The following UBE2E2 variants were observed in gnomAD, a reference collection of about 807,000 sequenced individuals.
UBE2E2 encodes ubiquitin-conjugating enzyme E2 E2.
In UBE2E2, 6 loss-of-function variants were observed where a neutral mutation model predicts 24.7. The ratio of observed to expected loss-of-function variants is 0.24; its 90% CI spans 0.13 to 0.48. The LOEUF (loss-of-function observed/expected upper bound fraction) is 0.48. UBE2E2 is among the 20% of genes least tolerant of loss of function. The pLI, the probability that UBE2E2 is intolerant of heterozygous loss-of-function variation, is 0.99. For missense variants in UBE2E2, 169 were observed against 245.0 expected, an observed-to-expected ratio of 0.69 and a Z score of 2.07; for synonymous variants, 104 against 83.6, an observed-to-expected ratio of 1.24 and a Z score of -1.33.
rs573574174 is a variant in UBE2E2 at position 23,567,819 on chromosome 3, A to G, written c.509-21915A>G. 1.7e-4 allele frequency among the ~76,000 whole-genome samples: 26 copies of G among 152,348 alleles called. No homozygotes were observed. In the South Asian group the frequency reaches 3.3e-3, roughly 19 times the overall value. On this transcript the variant is annotated intron_variant, in intron 5 of 5. Transcript: ENST00000396703. Reference sequence around the variant, plus strand: ...ACTGCATGGTCATCTGTGGTATCCTATATCCTAGACACTTTGTTGGTTTTG... The same window carrying G: ...ACTGCATGGTCATCTGTGGTATCCTGTATCCTAGACACTTTGTTGGTTTTG...
At chr3:23,399,465 G>A (rs114339949) in intron 3 of UBE2E2, among the ~76,000 whole-genome samples, 2,157 of 152,252 alleles carry the variant, frequency 0.014, 52 homozygotes, top group African/African-American at 0.05. Context: ...TAGGGTGGTA[G>A]GAGGTTTCAT....
chr3:23,373,030 ACCT>A (rs1251133545), intron 3 of UBE2E2, among the ~76,000 whole-genome samples: 2 of 152,128 alleles, frequency 1.3e-5, no homozygotes, highest in African/African-American at 4.8e-5. Context: ...AAATGCTGGG[ACCT>A]TCCTATTCAA....
At chr3:23,226,811 G>T (rs987684010) in intron 3 of UBE2E2, among the ~76,000 whole-genome samples, 3 of 152,100 alleles carry the variant, frequency 2.0e-5, no homozygotes, top group Non-Finnish European at 4.4e-5. Context: ...GAGTAAAAGA[G>T]AGTGAAATTG....
chr3:23,481,995 C>A (rs924389170), intron 3 of UBE2E2, among the ~76,000 whole-genome samples: 17 of 152,194 alleles, frequency 1.1e-4, no homozygotes, highest in Non-Finnish European at 1.6e-4. Context: ...AGTATTAAAT[C>A]ACCAACTCGA....
At chr3:23,574,125 A>G (rs1049412158) in intron 5 of UBE2E2, among the ~76,000 whole-genome samples, 1 of 152,216 alleles carries the variant, frequency 6.6e-6, no homozygotes, top group African/African-American at 2.4e-5. Context: ...CAGGCACAGA[A>G]CGACAAGCTT....
At chr3:23,348,956 G>A (rs1437567711) in intron 3 of UBE2E2, among the ~76,000 whole-genome samples, 1 of 152,176 alleles carries the variant, frequency 6.6e-6, no homozygotes, top group Non-Finnish European at 1.5e-5. Context: ...GTAATGCAGA[G>A]AAAGCAACCA....
chr3:23,307,172 T>C (rs1699259252), intron 3 of UBE2E2, among the ~76,000 whole-genome samples: 1 of 152,184 alleles, frequency 6.6e-6, no homozygotes, highest in South Asian at 2.1e-4. Flanking sequence ...TTCCGTTTTG[T>C]CTTTCCATGT....
intron 3 of UBE2E2, among the ~76,000 whole-genome samples, chr3:23,383,909 A>G (rs1405671916): frequency 6.6e-6 from 1 of 151,974 alleles, no homozygotes; most frequent in African/African-American, 2.4e-5. Context: ...AAAAAAGGAA[A>G]AATTTCAGTT....
intron 3 of UBE2E2, among the ~76,000 whole-genome samples, chr3:23,278,209 ATAAT>A (rs1698411778): frequency 6.6e-6 from 1 of 152,150 alleles, no homozygotes; most frequent in African/African-American, 2.4e-5. Flanking sequence ...ATATTAACAC[ATAAT>A]TAAGTTATGT....
At chr3:23,520,247 C>A (rs577947550) in intron 4 of UBE2E2, among the ~76,000 whole-genome samples, 2 of 152,176 alleles carry the variant, frequency 1.3e-5, no homozygotes, top group Admixed American at 6.5e-5. Flanking sequence ...TTCCTCTCAA[C>A]CTATGTCTGT....
rs1451123361 is a variant in UBE2E2, at chr3:23,217,320, C to T, written c.227+8C>T. 3 of 1,611,754 alleles carry T rather than the reference C, an allele frequency of 1.9e-6. No individual in the cohort carries two copies. The highest frequency in any genetic ancestry group is 1.7e-6 in the Non-Finnish European group (2 of 1,178,548). ...CCCTCCTCCCAACTGTAGGTAAGTA[C>T]TCATGGTTTTTTATTTACTTGTATC... On this transcript the variant is annotated splice_region_variant and intron_variant, in intron 3 of 5. Transcript: ENST00000396703.
At chr3:23,582,785 G>T (rs558484849) in intron 5 of UBE2E2, among the ~76,000 whole-genome samples, 1 of 151,438 alleles carries the variant, frequency 6.6e-6, no homozygotes, top group Non-Finnish European at 1.5e-5. Flanking sequence ...GTAGACTCTG[G>T]ATATTAGACG....
intron 5 of UBE2E2, among the ~76,000 whole-genome samples, chr3:23,545,825 C>G (rs890960972): frequency 6.6e-6 from 1 of 152,106 alleles, no homozygotes; most frequent in Non-Finnish European, 1.5e-5. Flanking sequence ...TGGAATACTA[C>G]TCAGCCATAA....
At chr3:23,381,496 G>A (rs1272739139) in intron 3 of UBE2E2, among the ~76,000 whole-genome samples, 1 of 152,134 alleles carries the variant, frequency 6.6e-6, no homozygotes, top group Non-Finnish European at 1.5e-5. Context: ...TTAGGAAAAA[G>A]CACTCTAAGG....
At chr3:23,468,489 GATAC>G (rs2125431871) in intron 3 of UBE2E2, among the ~76,000 whole-genome samples, 1 of 152,290 alleles carries the variant, frequency 6.6e-6, no homozygotes, top group South Asian at 2.1e-4. Context: ...AAAACATTCT[GATAC>G]ATTTAGTTTA....
intron 3 of UBE2E2, among the ~76,000 whole-genome samples, chr3:23,405,742 T>C (rs1697340816): frequency 6.6e-6 from 1 of 152,186 alleles, no homozygotes; most frequent in Non-Finnish European, 1.5e-5. Context: ...TTTAACATTT[T>C]GTTTAGTTTT....
intron 5 of UBE2E2, among the ~76,000 whole-genome samples, chr3:23,571,225 G>GCATT (rs1476732141): frequency 7.0e-6 from 1 of 143,700 alleles, no homozygotes. Flanking sequence ...CTCACACACA[G>GCATT]CATTCTTCTA....
At chr3:23,252,186 T>C (rs1697592991) in intron 3 of UBE2E2, among the ~76,000 whole-genome samples, 1 of 152,238 alleles carries the variant, frequency 6.6e-6, no homozygotes, top group African/African-American at 2.4e-5. Flanking sequence ...TACATACATA[T>C]TTTCCTGTTG....
At chr3:23,536,963 A>G (rs1181528730) in intron 5 of UBE2E2, among the ~76,000 whole-genome samples, 1 of 152,230 alleles carries the variant, frequency 6.6e-6, no homozygotes, top group African/African-American at 2.4e-5. Flanking sequence ...GATAATGTAT[A>G]ATGAAACCAA....
Sources: gnomAD v4.1 joint callset for allele counts (sites outside exome capture counted in the v4.1 genomes callset) on GRCh38, gnomAD v4.1.1 for gene constraint, MANE v1.5 for transcripts, NCBI Gene and HGNC (gene_info 2026-07-23, HGNC 2026-07-21) for gene names.